FRMD4A: variants seen among roughly 807,000 people sequenced by gnomAD.
FRMD4A encodes the protein FERM domain containing 4A, also known as FERM domain-containing protein 4A.
FRMD4A carries 29 observed loss-of-function variants against 129.1 expected under a neutral mutation model. That is an observed-to-expected ratio of 0.22 (90% CI 0.17 to 0.31). The LOEUF (loss-of-function observed/expected upper bound fraction) is 0.31, where lower values mean the gene tolerates loss of function less well. FRMD4A is among the 10% of genes least tolerant of loss of function. FRMD4A has a pLI of 1.00. For missense variants in FRMD4A, 1,272 were observed against 1,375.8 expected, an observed-to-expected ratio of 0.92 and a Z score of 1.19; for synonymous variants, 634 against 571.6, an observed-to-expected ratio of 1.11 and a Z score of -1.56.
At chr10:14,015,999 C>A (rs2095697964) in intron 2 of FRMD4A, among the ~76,000 whole-genome samples, 1 of 152,172 alleles carries the variant, frequency 6.6e-6, no homozygotes, top group South Asian at 2.1e-4. Flanking sequence ...AAGTGCTGAG[C>A]CAAGAACTGG....
chr10:14,102,575 G>C (rs901156849), intron 2 of FRMD4A, among the ~76,000 whole-genome samples: 1 of 152,196 alleles, frequency 6.6e-6, no homozygotes, highest in Admixed American at 6.5e-5. Context: ...CCACAATGCA[G>C]TGGTTATCTC....
intron 3 of FRMD4A, among the ~76,000 whole-genome samples, chr10:13,854,695 G>A (rs2094190049): frequency 1.3e-5 from 2 of 151,450 alleles, no homozygotes; most frequent in Admixed American, 1.3e-4. Context: ...GCCTCCCAAA[G>A]TGCTGGGATT....
chr10:14,283,922 G>A (rs1315471791), intron 2 of FRMD4A, among the ~76,000 whole-genome samples: 1 of 152,192 alleles, frequency 6.6e-6, no homozygotes, highest in African/African-American at 2.4e-5. Flanking sequence ...AAGCCTTTGA[G>A]GAGTGTGCCA....
intron 2 of FRMD4A, among the ~76,000 whole-genome samples, chr10:13,928,568 C>T (rs891072613): frequency 2.8e-4 from 43 of 152,120 alleles, no homozygotes; most frequent in African/African-American, 1.0e-3. Context: ...GGTTTTTTAA[C>T]TTAGCTGCTC....
In FRMD4A at chr10:13,981,517, G is replaced by A. The variant is rs572675972; in HGVS notation, c.46-122605C>T. The stretch of plus-strand genomic sequence containing the variant: ...GCACTTTGGGAGGCCGAGGCAGGCG[G>A]ATCATGAGATCAGGAGTTCAAGACC... On this transcript the variant is annotated intron_variant, in intron 2 of 24. Coordinates refer to ENST00000357447, the MANE Select transcript of FRMD4A (RefSeq NM_018027.5). 2.9e-3 allele frequency among the ~76,000 whole-genome samples: 440 copies of A among 152,034 alleles called. 3 individuals carry two copies. The highest frequency in any genetic ancestry group is 4.9e-3 in the Non-Finnish European group (336 of 67,962).
intron 8 of FRMD4A, 63 bp from the exon 9 acceptor site, chr10:13,747,882 C>T (rs1048731976): frequency 2.2e-6 from 2 of 896,186 alleles, no homozygotes; most frequent in East Asian, 2.4e-5. Context: ...CTCTCTGATA[C>T]CACTTGGGCC....
intron 2 of FRMD4A, chr10:13,971,792 G>T: frequency 1.5e-6 from 2 of 1,304,294 alleles, no homozygotes; most frequent in South Asian, 2.5e-5. Context: ...AAGCAGCCCA[G>T]CAGCCATGCC....
chr10:13,807,867 C>T (rs564123077), intron 4 of FRMD4A, among the ~76,000 whole-genome samples: 32 of 149,426 alleles, frequency 2.1e-4, no homozygotes, highest in Admixed American at 6.8e-4. Flanking sequence ...GGCACACTCT[C>T]GGCTCACTGC....
intron 2 of FRMD4A, among the ~76,000 whole-genome samples, chr10:13,863,394 C>T (rs1051157008): frequency 6.7e-6 from 1 of 149,686 alleles, no homozygotes; most frequent in Admixed American, 6.7e-5. Flanking sequence ...CCAACCTGGG[C>T]AACATGGCAA....
intron 2 of FRMD4A, among the ~76,000 whole-genome samples, chr10:14,323,631 T>C (rs957101188): frequency 1.3e-5 from 2 of 152,198 alleles, no homozygotes; most frequent in African/African-American, 4.8e-5. Context: ...TCCTCCCTCC[T>C]GATAATACAG....
chr10:13,888,738 T>C (rs1347274214), intron 2 of FRMD4A, among the ~76,000 whole-genome samples: 1 of 152,156 alleles, frequency 6.6e-6, no homozygotes, highest in Non-Finnish European at 1.5e-5. Flanking sequence ...AAATAAGACA[T>C]ATGAATTGAA....
chr10:13,770,343 G>A (rs917758127), intron 6 of FRMD4A, among the ~76,000 whole-genome samples: 3 of 152,186 alleles, frequency 2.0e-5, no homozygotes, highest in African/African-American at 4.8e-5. Context: ...ACTCTGCCGC[G>A]TTGGGATTTC....
At chr10:13,996,093 C>T (rs1198805297) in intron 2 of FRMD4A, among the ~76,000 whole-genome samples, 4 of 152,208 alleles carry the variant, frequency 2.6e-5, no homozygotes, top group Non-Finnish European at 5.9e-5. Context: ...ACAAGCAAAA[C>T]TTTCTTCCTG....
At chr10:14,316,278 G>T (rs1846734801) in intron 2 of FRMD4A, among the ~76,000 whole-genome samples, 1 of 152,058 alleles carries the variant, frequency 6.6e-6, no homozygotes, top group South Asian at 2.1e-4. Flanking sequence ...GAGAGGATTA[G>T]GTCATAAAGA....
At chr10:14,297,196 C>T (rs2132083820) in intron 2 of FRMD4A, among the ~76,000 whole-genome samples, 1 of 151,790 alleles carries the variant, frequency 6.6e-6, no homozygotes, top group African/African-American at 2.4e-5. Flanking sequence ...GCCTATCACT[C>T]AGGCTGCCAT....
chr10:13,925,368 G>C (rs1372108880), intron 2 of FRMD4A, among the ~76,000 whole-genome samples: 2 of 152,032 alleles, frequency 1.3e-5, no homozygotes, highest in African/African-American at 2.4e-5. Flanking sequence ...ATTTACTTTT[G>C]TGTACAAAAA....
At chr10:13,865,927 G>C (rs1248456300) in intron 2 of FRMD4A, among the ~76,000 whole-genome samples, 1 of 152,170 alleles carries the variant, frequency 6.6e-6, no homozygotes, top group Non-Finnish European at 1.5e-5. Context: ...GGAAGGTACG[G>C]TGAGGGAGGA....
intron 2 of FRMD4A, among the ~76,000 whole-genome samples, chr10:13,964,402 T>C (rs1019501446): frequency 2.0e-5 from 3 of 151,172 alleles, no homozygotes; most frequent in Admixed American, 6.6e-5. Flanking sequence ...TAATTCAGAT[T>C]GTTGGTCTTA....
At chr10:13,761,941 T>G (rs1323520443) in intron 7 of FRMD4A, among the ~76,000 whole-genome samples, 1 of 152,238 alleles carries the variant, frequency 6.6e-6, no homozygotes, top group Non-Finnish European at 1.5e-5. Context: ...AGCCTGGGTC[T>G]GACATGTTCT....
Sources: allele counts gnomAD v4.1 joint callset (sites outside exome capture counted in the v4.1 genomes callset), GRCh38; gene constraint gnomAD v4.1.1; transcripts MANE v1.5; gene names NCBI Gene and HGNC (gene_info 2026-07-23, HGNC 2026-07-21).